ATRN: variants seen among roughly 807,000 people sequenced by gnomAD.
ATRN encodes the protein attractin.
ATRN carries 54 observed loss-of-function variants against 178.7 expected under a neutral mutation model. That is an observed-to-expected ratio of 0.30 (90% confidence interval 0.24 to 0.38). The LOEUF (loss-of-function observed/expected upper bound fraction) is 0.38. ATRN is among the 10% of genes least tolerant of loss of function. The probability of loss-of-function intolerance (pLI) is 1.00; values close to 1 mark genes in which losing one functional copy is unlikely to be tolerated. For synonymous variants in ATRN, 636 were observed against 663.0 expected (o/e 0.96, Z 0.63); for missense variants, 1,443 against 1,815.1 (o/e 0.79, Z 3.73).
rs549829925 is a variant in ATRN at position 3,549,283 on chromosome 20, A to T, written c.1057A>T (p.Met353Leu). 6.2e-7 allele frequency: 1 copy of T among 1,609,818 alleles called. No homozygotes were observed. Among genetic ancestry groups the T allele is most frequent in the Non-Finnish European group, 8.5e-7 (1 of 1,178,596 alleles). ...TAAAGCTGTGGTCAATGGAAACATT[A>T]TGTGGGTTGTTGGAGGATATATGTT... ...SHKAVVNGNI[M>L]WVVGGYMFNH... The change falls in exon 6 of 29, where the codon ATG (methionine) becomes TTG (leucine). Residue 353 changes from methionine (M) to leucine (L), a missense_variant. By Grantham distance (15) the Met-to-Leu change is conservative (BLOSUM62 2). Transcript: ENST00000262919.
At chr20:3,517,228 T>A (rs1408304900) in intron 1 of ATRN, among the ~76,000 whole-genome samples, 1 of 152,174 alleles carries the variant, frequency 6.6e-6, no homozygotes, top group Non-Finnish European at 1.5e-5. Flanking sequence ...AGAAAAAGAT[T>A]AATAGCACGA....
chr20:3,511,023 A>T (rs917705466), intron 1 of ATRN, among the ~76,000 whole-genome samples: 1 of 152,232 alleles, frequency 6.6e-6, no homozygotes, highest in African/African-American at 2.4e-5. Flanking sequence ...GAATCAAAGA[A>T]GAAATCACCT....
chr20:3,524,581 G>T (rs140728314), intron 1 of ATRN, among the ~76,000 whole-genome samples: 1 of 152,098 alleles, frequency 6.6e-6, no homozygotes, highest in South Asian at 2.1e-4. Flanking sequence ...GACATCTACC[G>T]AACTCTCCAC....
intron 11 of ATRN, among the ~76,000 whole-genome samples, chr20:3,570,489 T>A (rs428297): frequency 0.75 from 114,001 of 151,582 alleles, 43,313 homozygotes; most frequent in East Asian, 1. Flanking sequence ...TTCTTAGTAT[T>A]GTCCAAAGAT....
At chr20:3,511,249 A>C (rs2085122990) in intron 1 of ATRN, among the ~76,000 whole-genome samples, 2 of 152,196 alleles carry the variant, frequency 1.3e-5, no homozygotes, top group Admixed American at 1.3e-4. Context: ...AATTAGTTGA[A>C]TATAAAACAG....
At chr20:3,615,479 A>G (rs2086831241) in intron 24 of ATRN, among the ~76,000 whole-genome samples, 1 of 151,998 alleles carries the variant, frequency 6.6e-6, no homozygotes, top group Admixed American at 6.6e-5. Flanking sequence ...AGGCTGTACA[A>G]GAACCTTAAA....
intron 1 of ATRN, among the ~76,000 whole-genome samples, chr20:3,520,460 C>T (rs1420522517): frequency 1.3e-5 from 2 of 152,064 alleles, no homozygotes; most frequent in Non-Finnish European, 2.9e-5. Context: ...AGTAGTATTT[C>T]CAGGTAAAGG....
chr20:3,589,172 C>CT (rs1398304655), intron 18 of ATRN, among the ~76,000 whole-genome samples: 2 of 151,312 alleles, frequency 1.3e-5, no homozygotes. Flanking sequence ...TTTTGTTTTG[C>CT]TTTTTTTAGT....
At chr20:3,493,007 TATA>T (rs1293744903) in intron 1 of ATRN, among the ~76,000 whole-genome samples, 3 of 146,540 alleles carry the variant, frequency 2.0e-5, no homozygotes, top group East Asian at 2.0e-4. Context: ...TTATGTAAAA[TATA>T]ATTGTATATT....
At chr20:3,594,429 C>T in intron 19 of ATRN, 50 bp from the exon 20 acceptor site, 1 of 1,489,798 alleles carries the variant, frequency 6.7e-7, no homozygotes, top group Non-Finnish European at 9.1e-7. Flanking sequence ...CTCCAATAGT[C>T]AGAATTTTTT....
At chr20:3,524,452 A>G (rs1600072801) in intron 1 of ATRN, among the ~76,000 whole-genome samples, 1 of 152,176 alleles carries the variant, frequency 6.6e-6, no homozygotes, top group East Asian at 1.9e-4. Context: ...TTACACTCCC[A>G]CGCAATAATA....
intron 1 of ATRN, among the ~76,000 whole-genome samples, chr20:3,503,945 G>A (rs2084998245): frequency 6.6e-6 from 1 of 152,134 alleles, no homozygotes; most frequent in African/African-American, 2.4e-5. Flanking sequence ...CGAAGAGAAA[G>A]TCTTGAAAGC....
chr20:3,562,300 A>C lies in ATRN; in HGVS notation c.1472A>C (p.His491Pro), dbSNP rs2085964328. The stretch of plus-strand genomic sequence containing the variant: ...GATAAGAACACATGGAGTATATTAC[A>C]CACCCAGGGTGCCCTTGTGCAAGGG... ...DLDKNTWSILHTQGALVQGGY... is the reference protein window; with the variant it reads ...DLDKNTWSILPTQGALVQGGY... The change falls in exon 9 of 29, where the codon CAC becomes CCC. Residue 491 changes from histidine to proline, a missense_variant. By Grantham distance (77) the His-to-Pro change is moderately conservative. This residue lies in a region of ATRN where 862 missense variants were observed against 972.1 expected (regional missense o/e 0.89). Coordinates refer to ENST00000262919, the MANE Select transcript of ATRN (RefSeq NM_139321.3). The C allele has an allele frequency of 1.9e-6, 3 of 1,613,932 alleles. No individual in the cohort carries two copies. Among genetic ancestry groups the C allele is most frequent in the Non-Finnish European group, 2.5e-6 (3 of 1,179,878 alleles).
intron 24 of ATRN, 82 bp from the exon 25 acceptor site, chr20:3,624,429 A>G (rs997199831): frequency 1.6e-6 from 2 of 1,234,744 alleles, no homozygotes; most frequent in Non-Finnish European, 2.4e-6. Flanking sequence ...CTCTGTTTTC[A>G]GCTTAACTCT....
intron 1 of ATRN, among the ~76,000 whole-genome samples, chr20:3,529,823 T>C (rs1388721872): frequency 6.6e-6 from 1 of 152,196 alleles, no homozygotes; most frequent in African/African-American, 2.4e-5. Flanking sequence ...ATTAAAGATT[T>C]GGTTGGAAGG....
At chr20:3,501,954 A>G (rs1343770602) in intron 1 of ATRN, among the ~76,000 whole-genome samples, 3 of 152,048 alleles carry the variant, frequency 2.0e-5, no homozygotes, top group Admixed American at 6.6e-5. Context: ...GGTGAACTCA[A>G]AATAGATCAG....
chr20:3,622,891 T>A (rs1718745535), intron 24 of ATRN, among the ~76,000 whole-genome samples: 3 of 152,182 alleles, frequency 2.0e-5, no homozygotes, highest in African/African-American at 7.2e-5. Flanking sequence ...TAGCATCCAG[T>A]GTGGGTAAAG....
At position 3,471,470 on chromosome 20, in the gene ATRN, C is replaced by A; in HGVS notation, c.363C>A (p.Pro121=). ...CTGGCACCGGCCAGTGCGTCTGCCC[C>A]GCCGGCTGGGTGGGCGAGCAATGCC... The part of the protein sequence containing the change: ...CNPGTGQCVC[P]AGWVGEQCQH... The change falls in exon 1 of 29, where the codon CCC becomes CCA. Residue 121 remains proline (P), a synonymous_variant. Transcript: ENST00000262919. 7.1e-7 allele frequency: 1 copy of A among 1,414,138 alleles called. No individual in the cohort carries two copies. The allele number at this position is 1,414,138 out of a possible 1,614,324, so 87.6% of individuals were successfully genotyped here. A position where few individuals can be genotyped will look rare whatever the true frequency, so the allele number is the denominator to read the frequency against.
Position 3,648,948 on chromosome 20 carries a change from A to T in ATRN, c.*2101A>T, listed in dbSNP as rs1354143529. ...CCTAGGCCAAAGAAGTCTCTTCCCC[A>T]TGTTAGTCCTATGCCTTGAAATATC... On this transcript the variant is annotated 3_prime_UTR_variant, in exon 29 of 29. Coordinates refer to ENST00000262919, the MANE Select transcript of ATRN (RefSeq NM_139321.3). 1.3e-5 allele frequency: 2 copies of T among 152,244 alleles called. No individual in the cohort carries two copies. Among genetic ancestry groups the T allele is most frequent in the African/African-American group, 4.8e-5 (2 of 41,470 alleles). 9.4% of individuals were successfully genotyped at this position (152,244 alleles called of 1,614,324 possible).
Sources: allele counts gnomAD v4.1 joint callset (sites outside exome capture counted in the v4.1 genomes callset), GRCh38; gene constraint gnomAD v4.1.1; regional missense constraint gnomAD v4.1.1; transcripts MANE v1.5; gene names NCBI Gene and HGNC (gene_info 2026-07-23, HGNC 2026-07-21).